Variants in HYOU1 observed in about 807,000 individuals in gnomAD.
HYOU1 encodes the protein hypoxia up-regulated protein 1.
Under a neutral mutation model 120.5 loss-of-function variants are expected in HYOU1, and 40 were observed. That is an observed-to-expected ratio of 0.33 (90% CI 0.26 to 0.43). The LOEUF (loss-of-function observed/expected upper bound fraction) is 0.43. Ranked by LOEUF, HYOU1 falls within the 20% of genes least tolerant of loss-of-function variation. The pLI, the probability that HYOU1 is intolerant of heterozygous loss-of-function variation, is 1.00. For synonymous variants in HYOU1, 501 were observed against 479.4 expected (o/e 1.05, Z -0.59); for missense variants, 1,085 against 1,278.3 (o/e 0.85, Z 2.31).
rs2133586730 is a variant in HYOU1 at position 119,051,646 on chromosome 11, G to A, written c.1339-21C>T. On this transcript the variant is annotated intron_variant, in intron 12 of 25. Coordinates refer to ENST00000617285, the MANE Select transcript of HYOU1 (RefSeq NM_006389.5). This position sits in a 1 kb window ranked among gnomAD's most constrained non-coding sequence, Gnocchi z 4.2. ...TCCACCTACACAGCAGGCAGACAGA[G>A]GCACACTGTTGCACACTAGAGAACC... The A allele has an allele frequency of 7.4e-6, 12 of 1,613,706 alleles. No homozygotes were observed. The highest frequency in any genetic ancestry group is 1.1e-5 in the South Asian group (1 of 91,060).
chr11:119,056,234 C>T, intron 1 of HYOU1, 67 bp from the exon 2 acceptor site: 2 of 1,117,260 alleles, frequency 1.8e-6, no homozygotes, highest in Non-Finnish European at 2.7e-6. Context: ...AGAATCACAT[C>T]CCAGAACGGA....
In HYOU1 at chr11:119,047,941, G is replaced by A. The variant is rs2133559636; in HGVS notation, c.2510+6C>T. ...GGACTGCAAAAAGGGTTCAGGGGCT[G>A]CTCACTTGAGGAACATGCTGGAATG... On this transcript the variant is annotated splice_donor_region_variant and intron_variant, in intron 21 of 25. Coordinates refer to ENST00000617285, the MANE Select transcript of HYOU1 (RefSeq NM_006389.5). The A allele has an allele frequency of 3.1e-6, 5 of 1,614,174 alleles. No homozygotes were observed. In the South Asian group the frequency reaches 3.3e-5, roughly 11 times the overall value.
Position 119,048,161 on chromosome 11 carries a change from C to A in HYOU1, c.2377-81G>T. On this transcript the variant is annotated intron_variant, in intron 20 of 25. Coordinates refer to ENST00000617285, the MANE Select transcript of HYOU1 (RefSeq NM_006389.5). This position sits in a 1 kb window ranked among gnomAD's most constrained non-coding sequence, Gnocchi z 4.7. The stretch of plus-strand genomic sequence containing the variant: ...TCAGCCCCATGTCCTTCTTTATGGG[C>A]TCAAGCCCCAGCTCTTCTCTCTCTC... The A allele has an allele frequency of 6.2e-7, 1 of 1,610,506 alleles. No homozygotes were observed. The highest frequency in any genetic ancestry group is 8.5e-7 in the Non-Finnish European group (1 of 1,178,920).
intron 24 of HYOU1, among the ~76,000 whole-genome samples, chr11:119,046,156 G>A (rs2133547706): frequency 6.6e-6 from 1 of 152,144 alleles, no homozygotes; most frequent in South Asian, 2.1e-4. Context: ...AGTAAAGATG[G>A]GGTTTCACCA....
At chr11:119,049,936 G>A (rs1454740109) in intron 14 of HYOU1, 99 bp from the exon 15 acceptor site, 19 of 1,048,330 alleles carry the variant, frequency 1.8e-5, no homozygotes, top group Middle Eastern at 4.7e-4. Context: ...ACTCCATGCC[G>A]TCACAGGCCT....
chr11:119,051,746 A>G lies in HYOU1; in HGVS notation c.1338+73T>C. 2 of 1,603,638 alleles carry G rather than the reference A, an allele frequency of 1.2e-6. No individual in the cohort carries two copies. The highest frequency in any genetic ancestry group is 2.2e-5 in the South Asian group (2 of 90,706). ...GCAGAAAGACAAAGGGATGAGCCAG[A>G]GCAGACAGAAGGGGAAACCCTACTT... On this transcript the variant is annotated intron_variant, in intron 12 of 25. Transcript: ENST00000617285. The surrounding 1 kb of genome is among the most constrained non-coding windows in gnomAD (Gnocchi z 4.2).
Position 119,045,436 on chromosome 11 carries a change from G to T in HYOU1, c.*157C>A. On this transcript the variant is annotated 3_prime_UTR_variant, in exon 26 of 26. Transcript: ENST00000617285. ...GTACTGCAGAAGGAACCAGTGAGCTGTCCCTCCCTTCCCCTTCTCCACACC... is the reference window on the plus strand; with the variant it reads ...GTACTGCAGAAGGAACCAGTGAGCTTTCCCTCCCTTCCCCTTCTCCACACC... 1 of 758,162 alleles carries T rather than the reference G, an allele frequency of 1.3e-6. No individual in the cohort carries two copies. Among genetic ancestry groups the T allele is most frequent in the South Asian group, 1.4e-5 (1 of 71,408 alleles). The allele number at this position is 758,162 out of a possible 1,614,324, so 47.0% of individuals were successfully genotyped here.
rs2133587749 is a variant in HYOU1, at chr11:119,051,778, G to C, written c.1338+41C>G. The C allele has an allele frequency of 1.6e-5, 25 of 1,612,070 alleles. No homozygotes were observed. In the East Asian group the frequency reaches 5.4e-4, roughly 35 times the overall value. On this transcript the variant is annotated intron_variant, in intron 12 of 25. Transcript: ENST00000617285. This position sits in a 1 kb window ranked among gnomAD's most constrained non-coding sequence, Gnocchi z 4.2. ...AGAAGGGGAAACCCTACTTGGGAGA[G>C]GTAAAGGGAGCTTGTCACCTGCTCA...
rs781804342 is a variant in HYOU1, at chr11:119,056,029, G to A, written c.91+41C>T. On this transcript the variant is annotated intron_variant, in intron 2 of 25. Coordinates refer to ENST00000617285, the MANE Select transcript of HYOU1 (RefSeq NM_006389.5). ...CTCAATTCCCATCATGCATCCTTCA[G>A]TCATCATTTATCCATTTGCTCCCTC... 4 of 1,550,560 alleles carry A rather than the reference G, an allele frequency of 2.6e-6. No homozygotes were observed. In the South Asian group the frequency reaches 3.3e-5, roughly 13 times the overall value.
In HYOU1 at chr11:119,045,049, G is replaced by A. The variant is rs200069495; in HGVS notation, c.*544C>T. On this transcript the variant is annotated 3_prime_UTR_variant, in exon 26 of 26. Transcript: ENST00000617285. ...ACCCAGGGGGAAAGGAGCTGGATGG[G>A]AATGGGGAAGGGAGGCTCAGAGCAA... 1 of 438,022 alleles carries A rather than the reference G, an allele frequency of 2.3e-6. No homozygotes were observed. Among genetic ancestry groups the A allele is most frequent in the South Asian group, 1.6e-5 (1 of 64,140 alleles). The allele number at this position is 438,022 out of a possible 1,614,324, so 27.1% of individuals were successfully genotyped here. A position where few individuals can be genotyped will look rare whatever the true frequency, so the allele number is the denominator to read the frequency against.
rs1944729051 is a variant in HYOU1 at position 119,055,962 on chromosome 11, T to A, written c.91+108A>T. The A allele has an allele frequency of 7.4e-7, 1 of 1,356,396 alleles. No individual in the cohort carries two copies. Among genetic ancestry groups the A allele is most frequent in the Non-Finnish European group, 1.1e-6 (1 of 947,022 alleles). The allele number at this position is 1,356,396 out of a possible 1,614,324, so 84.0% of individuals were successfully genotyped here. A position where few individuals can be genotyped will look rare whatever the true frequency, so the allele number is the denominator to read the frequency against. ...GAAGATGGCAAAAGACAAAAAGGCC[T>A]GGACCTAACAACTCAAGAGACTTCT... On this transcript the variant is annotated intron_variant, in intron 2 of 25. Coordinates refer to ENST00000617285, the MANE Select transcript of HYOU1 (RefSeq NM_006389.5). The surrounding 1 kb of genome is among the most constrained non-coding windows in gnomAD (Gnocchi z 4.0).
chr11:119,054,624 G>C lies in HYOU1; in HGVS notation c.548C>G (p.Ala183Gly). The part of the protein sequence containing the change: ...VITVPVFFNQ[A>G]ERRAVLQAAR... ...AGCCTGCAGCACAGCTCGGCGCTCG[G>C]CCTGGTTGAAGAAGACTGGCACGGT... Residue 183 changes from alanine (A) to glycine (G), a missense_variant, in exon 7 of 26, where the codon GCC becomes GGC. This residue lies in a region of HYOU1 where 515 missense variants were observed against 677.8 expected (regional missense o/e 0.76). Transcript: ENST00000617285. 6.2e-7 allele frequency: 1 copy of C among 1,614,010 alleles called. No homozygotes were observed.
rs2133563408 is a variant in HYOU1, at chr11:119,048,381, G to A, written c.2254-11C>T. 3.2e-5 allele frequency: 52 copies of A among 1,609,522 alleles called. No homozygotes were observed. The highest frequency in any genetic ancestry group is 4.2e-5 in the Non-Finnish European group (49 of 1,179,790). ...CTGGTACAGCTTGTCCTGGGGAGGGGGACATGTAAACACATGCACCCACAA... is the reference window on the plus strand; with the variant it reads ...CTGGTACAGCTTGTCCTGGGGAGGGAGACATGTAAACACATGCACCCACAA... On this transcript the variant is annotated splice_polypyrimidine_tract_variant and intron_variant, in intron 19 of 25. Transcript: ENST00000617285. The surrounding 1 kb of genome is among the most constrained non-coding windows in gnomAD (Gnocchi z 4.7).
In HYOU1 at chr11:119,050,909, C is replaced by T; in HGVS notation, c.1665+126G>A. 3.7e-6 allele frequency: 4 copies of T among 1,079,924 alleles called. No homozygotes were observed. In the South Asian group the frequency reaches 6.3e-5, roughly 17 times the overall value. The allele number at this position is 1,079,924 out of a possible 1,614,324, so 66.9% of individuals were successfully genotyped here. The stretch of plus-strand genomic sequence containing the variant: ...ATCATCAGTTAGCTCTGTTCAGAGC[C>T]AACATTTTTCTGATTCCTAAACCTT... On this transcript the variant is annotated intron_variant, in intron 14 of 25. Transcript: ENST00000617285.
chr11:119,048,956 A>C lies in HYOU1; in HGVS notation c.1992+62T>G. 1 of 1,610,944 alleles carries C rather than the reference A, an allele frequency of 6.2e-7. No homozygotes were observed. Among genetic ancestry groups the C allele is most frequent in the South Asian group, 1.1e-5 (1 of 90,846 alleles). On this transcript the variant is annotated intron_variant, in intron 17 of 25. Coordinates refer to ENST00000617285, the MANE Select transcript of HYOU1 (RefSeq NM_006389.5). The surrounding 1 kb of genome is among the most constrained non-coding windows in gnomAD (Gnocchi z 4.7). ...CTACATTCTCCACAAGGCCAGAAAC[A>C]AGGCAGGCGCCTGCTCCCTTAGCCT...
rs1944730652 is a variant in HYOU1, at chr11:119,055,993, A to G, written c.91+77T>C. On this transcript the variant is annotated intron_variant, in intron 2 of 25. Transcript: ENST00000617285. This position sits in a 1 kb window ranked among gnomAD's most constrained non-coding sequence, Gnocchi z 4.0. ...TAACAACTCAAGAGACTTCTGGCCA[A>G]CAGCCCCAAGCTCAATTCCCATCAT... is the stretch of plus-strand genomic sequence containing the variant. 2 of 1,455,890 alleles carry G rather than the reference A, an allele frequency of 1.4e-6. No homozygotes were observed. The highest frequency in any genetic ancestry group is 9.6e-7 in the Non-Finnish European group (1 of 1,036,272). The allele number at this position is 1,455,890 out of a possible 1,614,324, so 90.2% of individuals were successfully genotyped here. A position where few individuals can be genotyped will look rare whatever the true frequency, so the allele number is the denominator to read the frequency against.
rs1944641221 is a variant in HYOU1 at position 119,054,608 on chromosome 11, C to T, written c.564G>A (p.Val188=). Residue 188 remains valine, a synonymous_variant, in exon 7 of 26, where the codon GTG becomes GTA. Transcript: ENST00000617285. ...VFFNQAERRA[V]LQAARMAGLK... ...GGCCAGCCATACGAGCAGCCTGCAG[C>T]ACAGCTCGGCGCTCGGCCTGGTTGA... 1.2e-6 allele frequency: 2 copies of T among 1,614,134 alleles called. No homozygotes were observed. Among genetic ancestry groups the T allele is most frequent in the East Asian group, 4.5e-5 (2 of 44,884 alleles).
intron 1 of HYOU1, chr11:119,056,442 C>CCG (rs1410775784): frequency 1.9e-6 from 1 of 528,780 alleles, no homozygotes; most frequent in African/African-American, 1.9e-5. Context: ...AGAAAGGAGA[C>CCG]CCGAGCCTTT....
chr11:119,056,242 G>T (rs782755289), intron 1 of HYOU1, 75 bp from the exon 2 acceptor site: 1 of 1,035,114 alleles, frequency 9.7e-7, no homozygotes, highest in Non-Finnish European at 1.5e-6. Flanking sequence ...ATCCCAGAAC[G>T]GAGAGGCTGT....
Sources: gnomAD v4.1 joint callset for allele counts (sites outside exome capture counted in the v4.1 genomes callset) on GRCh38, gnomAD v4.1.1 for gene constraint, gnomAD v4.1.1 regional missense constraint, Gnocchi (gnomAD v3.1) non-coding constraint, MANE v1.5 for transcripts, NCBI Gene and HGNC (gene_info 2026-07-23, HGNC 2026-07-21) for gene names.